Variants in SORCS1 observed in about 807,000 individuals in gnomAD.
SORCS1 encodes sortilin related VPS10 domain containing receptor 1, also known as VPS10 domain-containing receptor SorCS1.
In SORCS1, 60 loss-of-function variants were observed where a neutral mutation model predicts 146.1. The ratio of observed to expected loss-of-function variants is 0.41; its 90% CI spans 0.33 to 0.51. SORCS1 has a LOEUF of 0.51. Among genes scored for constraint, SORCS1 ranks in the 20% least tolerant of loss-of-function variants. SORCS1 has a pLI of 0.21. For synonymous variants in SORCS1, 637 were observed against 584.0 expected, an observed-to-expected ratio of 1.09 and a Z score of -1.31; for missense variants, 1,352 against 1,487.6, an observed-to-expected ratio of 0.91 and a Z score of 1.50.
chr10:107,144,194 C>A (rs1968099088), intron 1 of SORCS1, among the ~76,000 whole-genome samples: 1 of 152,106 alleles, frequency 6.6e-6, no homozygotes, highest in South Asian at 2.1e-4. Context: ...TTTGCTGATA[C>A]CCTCACCTTA....
chr10:106,636,184 CG>C (rs1564803209), intron 18 of SORCS1, among the ~76,000 whole-genome samples: 2 of 151,426 alleles, frequency 1.3e-5, no homozygotes, highest in Non-Finnish European at 1.5e-5. Context: ...CACTTGAGCC[CG>C]GGAAGTCAAG....
At chr10:106,814,970 T>C (rs915505492) in intron 3 of SORCS1, among the ~76,000 whole-genome samples, 1 of 151,966 alleles carries the variant, frequency 6.6e-6, no homozygotes, top group Non-Finnish European at 1.5e-5. Context: ...ATTTATTTTT[T>C]AGTTTTTGAG....
chr10:106,975,648 G>A (rs895488477), intron 1 of SORCS1, among the ~76,000 whole-genome samples: 23 of 152,184 alleles, frequency 1.5e-4, no homozygotes, highest in African/African-American at 5.1e-4. Context: ...AAACACTGAA[G>A]GTTCCCTTGC....
rs752867212 is a variant in SORCS1 at position 107,061,374 on chromosome 10, G to GA, written c.558+102594dup. Among the ~76,000 whole-genome samples, 3 of 152,200 alleles carry GA rather than the reference G, an allele frequency of 2.0e-5. No individual in the cohort carries two copies. The South Asian group carries it at 6.2e-4, about 32-fold the overall frequency. On this transcript the variant is annotated intron_variant, in intron 1 of 25. Coordinates refer to ENST00000263054, the MANE Select transcript of SORCS1 (RefSeq NM_052918.5). The stretch of plus-strand genomic sequence containing the variant: ...TGCTTACTTTCAGTGTATGAAAGAA[G>GA]AAAAATGACTATTTTCTAGTAATAG...
chr10:106,649,171 G>A (rs995341653), intron 18 of SORCS1, among the ~76,000 whole-genome samples: 1 of 152,180 alleles, frequency 6.6e-6, no homozygotes, highest in African/African-American at 2.4e-5. Flanking sequence ...ACAGAAAGCC[G>A]TCTGTCCTTG....
intron 2 of SORCS1, among the ~76,000 whole-genome samples, chr10:106,942,112 T>C (rs1954074102): frequency 6.6e-6 from 1 of 152,230 alleles, no homozygotes; most frequent in African/African-American, 2.4e-5. Context: ...AAAAGGCTTT[T>C]CTGATTAACT....
intron 18 of SORCS1, among the ~76,000 whole-genome samples, chr10:106,647,742 C>T (rs987441084): frequency 5.3e-5 from 8 of 152,142 alleles, no homozygotes; most frequent in African/African-American, 1.9e-4. Context: ...TGTGGTATGA[C>T]TTTTTTCACA....
intron 5 of SORCS1, among the ~76,000 whole-genome samples, chr10:106,755,934 G>A (rs1030248890): frequency 2.0e-5 from 3 of 152,042 alleles, no homozygotes; most frequent in African/African-American, 4.8e-5. Flanking sequence ...TTCAAGACCA[G>A]CCTGGCCAAC....
At chr10:106,804,539 A>G (rs2136685357) in intron 3 of SORCS1, among the ~76,000 whole-genome samples, 1 of 152,144 alleles carries the variant, frequency 6.6e-6, no homozygotes, top group African/African-American at 2.4e-5. Flanking sequence ...AAGTTTATAA[A>G]TATATACCAG....
At chr10:106,894,250 T>C (rs567806571) in intron 2 of SORCS1, among the ~76,000 whole-genome samples, 185 of 147,690 alleles carry the variant, frequency 1.3e-3, no homozygotes, top group Non-Finnish European at 1.6e-3. Context: ...TGTGTGTGTG[T>C]GTGCGCGCGC....
intron 2 of SORCS1, among the ~76,000 whole-genome samples, chr10:106,852,730 T>G (rs11593442): frequency 6.6e-6 from 1 of 152,112 alleles, no homozygotes; most frequent in East Asian, 1.9e-4. Flanking sequence ...TTTGTTATTT[T>G]CCCTCATCTA....
At chr10:106,766,374 T>C (rs749282894) in intron 4 of SORCS1, among the ~76,000 whole-genome samples, 1 of 152,198 alleles carries the variant, frequency 6.6e-6, no homozygotes, top group African/African-American at 2.4e-5. Flanking sequence ...CATCCTTTTT[T>C]AGCAAGAAAG....
intron 2 of SORCS1, among the ~76,000 whole-genome samples, chr10:106,941,628 T>C (rs1194172443): frequency 6.6e-6 from 1 of 152,236 alleles, no homozygotes; most frequent in Non-Finnish European, 1.5e-5. Flanking sequence ...CCAAGGAATG[T>C]GGCTCCCAGT....
rs1190654041 is a variant in SORCS1 at position 107,004,175 on chromosome 10, C to CAAA, written c.559-47598_559-47596dup. Among the ~76,000 whole-genome samples, 104 of 49,440 alleles carry CAAA rather than the reference C, an allele frequency of 2.1e-3. 1 individual carries two copies. The highest frequency in any genetic ancestry group is 4.4e-3 in the African/African-American group (52 of 11,912). The allele number at this position is 49,440 out of a possible 152,430, so 32.4% of individuals were successfully genotyped here. A position where few individuals can be genotyped will look rare whatever the true frequency, so the allele number is the denominator to read the frequency against. ...TGGGCGACAGAGTGTGATCCCATCT[C>CAAA]AAAAAAAAAAAAAAAAAAAAAAAAG... On this transcript the variant is annotated intron_variant, in intron 1 of 25. Coordinates refer to ENST00000263054, the MANE Select transcript of SORCS1 (RefSeq NM_052918.5).
intron 5 of SORCS1, among the ~76,000 whole-genome samples, chr10:106,731,260 T>G (rs1856573909): frequency 8.3e-6 from 1 of 120,448 alleles, no homozygotes; most frequent in African/African-American, 3.4e-5. Flanking sequence ...ACCACTGCAC[T>G]CCAGCCTGGG....
intron 1 of SORCS1, among the ~76,000 whole-genome samples, chr10:106,979,085 C>T (rs545532432): frequency 6.6e-6 from 1 of 152,004 alleles, no homozygotes; most frequent in East Asian, 1.9e-4. Context: ...AGGCTTGGCC[C>T]AGGGTGGTGG....
chr10:106,952,458 T>G (rs911423995), intron 2 of SORCS1, among the ~76,000 whole-genome samples: 4 of 151,922 alleles, frequency 2.6e-5, no homozygotes, highest in Admixed American at 2.0e-4. Context: ...TGTATTAACA[T>G]ACCTATGGAG....
intron 1 of SORCS1, among the ~76,000 whole-genome samples, chr10:107,122,708 A>G (rs866573118): frequency 2.0e-5 from 3 of 152,192 alleles, no homozygotes; most frequent in South Asian, 2.1e-4. Flanking sequence ...AAAGCAGGAA[A>G]GAAAAAAAAA....
intron 2 of SORCS1, among the ~76,000 whole-genome samples, chr10:106,871,383 A>C (rs1950402305): frequency 6.6e-6 from 1 of 152,246 alleles, no homozygotes; most frequent in South Asian, 2.1e-4. Flanking sequence ...CAATCCCATT[A>C]CTGGGAATCC....
Sources: gnomAD v4.1 joint callset for allele counts (sites outside exome capture counted in the v4.1 genomes callset) on GRCh38, gnomAD v4.1.1 for gene constraint, MANE v1.5 for transcripts, NCBI Gene and HGNC (gene_info 2026-07-23, HGNC 2026-07-21) for gene names.